Variants in TBC1D5 observed in about 807,000 individuals in gnomAD.
The protein encoded by TBC1D5 is TBC1 domain family, member 5.
Under a neutral mutation model 100.3 loss-of-function variants are expected in TBC1D5, and 75 were observed. The observed-to-expected ratio is 0.75, with a 90% CI of 0.62 to 0.91. The LOEUF (loss-of-function observed/expected upper bound fraction) is 0.91. Ranked by LOEUF, TBC1D5 falls within the 40% of genes least tolerant of loss-of-function variation. The probability of loss-of-function intolerance (pLI) is 0.00; values close to 1 mark genes in which losing one functional copy is unlikely to be tolerated. For missense variants in TBC1D5, 910 were observed against 942.4 expected, an observed-to-expected ratio of 0.97 and a Z score of 0.45; for synonymous variants, 323 against 325.6, an observed-to-expected ratio of 0.99 and a Z score of 0.09.
chr3:17,426,442 T>C (rs1008518813), intron 4 of TBC1D5, among the ~76,000 whole-genome samples: 2 of 152,108 alleles, frequency 1.3e-5, no homozygotes, highest in Non-Finnish European at 2.9e-5. Context: ...TATAATAGTA[T>C]TTAACAACAG....
At chr3:17,591,697 G>A (rs117568285) in intron 2 of TBC1D5, among the ~76,000 whole-genome samples, 2,528 of 152,314 alleles carry the variant, frequency 0.017, 53 homozygotes, top group South Asian at 0.048. Flanking sequence ...AATTGGCATA[G>A]GTAAACTTAG....
chr3:17,700,258 G>A (rs570300880), intron 1 of TBC1D5, among the ~76,000 whole-genome samples: 4 of 152,164 alleles, frequency 2.6e-5, no homozygotes, highest in Middle Eastern at 3.4e-3. Flanking sequence ...AATGGTGCTG[G>A]GAAAACTGGC....
upstream of TBC1D5, among the ~76,000 whole-genome samples, chr3:17,742,176 C>G (rs990891364): frequency 6.6e-6 from 1 of 152,162 alleles, no homozygotes; most frequent in African/African-American, 2.4e-5. Flanking sequence ...CCCTGCCCGC[C>G]CTGCCCGCCA....
At chr3:17,308,590 T>G (rs1240089859) in intron 13 of TBC1D5, among the ~76,000 whole-genome samples, 2 of 152,124 alleles carry the variant, frequency 1.3e-5, no homozygotes, top group East Asian at 3.8e-4. Flanking sequence ...AAAACTGCGT[T>G]CTCACATCTC....
At chr3:17,452,131 C>A (rs1283777507) in intron 3 of TBC1D5, among the ~76,000 whole-genome samples, 1 of 151,666 alleles carries the variant, frequency 6.6e-6, no homozygotes, top group Non-Finnish European at 1.5e-5. Context: ...TTATAAGCCC[C>A]ATGGTAAGCT....
At chr3:17,688,940 T>C (rs977667980) in intron 1 of TBC1D5, among the ~76,000 whole-genome samples, 2 of 152,188 alleles carry the variant, frequency 1.3e-5, no homozygotes, top group African/African-American at 4.8e-5. Flanking sequence ...TAAAACTATC[T>C]TGAATTGTCC....
At chr3:17,258,571 A>T in exon 16 of TBC1D5, 2 of 1,612,844 alleles carry the variant, frequency 1.2e-6, no homozygotes, top group Non-Finnish European at 1.7e-6. Flanking sequence ...GGAATTGATA[A>T]GTCACTGGTC....
chr3:17,517,107 T>C (rs898117528), intron 2 of TBC1D5, among the ~76,000 whole-genome samples: 1 of 152,188 alleles, frequency 6.6e-6, no homozygotes, highest in East Asian at 1.9e-4. Context: ...AAAACCATTC[T>C]TTACAAACAA....
intron 3 of TBC1D5, among the ~76,000 whole-genome samples, chr3:17,488,601 A>G (rs2095599394): frequency 6.6e-6 from 1 of 152,158 alleles, no homozygotes; most frequent in Admixed American, 6.5e-5. Context: ...ACCAGCAATA[A>G]ATAAGAGTTT....
At chr3:17,423,672 T>C (rs1232033840) in intron 4 of TBC1D5, among the ~76,000 whole-genome samples, 1 of 150,102 alleles carries the variant, frequency 6.7e-6, no homozygotes, top group Non-Finnish European at 1.5e-5. Context: ...CTCTGGAAAA[T>C]ATAAATAATG....
intron 13 of TBC1D5, among the ~76,000 whole-genome samples, chr3:17,335,484 C>T (rs1377286699): frequency 6.6e-6 from 1 of 152,090 alleles, no homozygotes; most frequent in Admixed American, 6.6e-5. Context: ...CCATCTCTGA[C>T]TCCACTCAGC....
intron 19 of TBC1D5, among the ~76,000 whole-genome samples, chr3:17,170,019 G>A (rs1353748588): frequency 6.6e-6 from 1 of 152,196 alleles, no homozygotes; most frequent in Non-Finnish European, 1.5e-5. Flanking sequence ...GAGCTCAGGT[G>A]GTAACGCTGG....
intron 13 of TBC1D5, among the ~76,000 whole-genome samples, chr3:17,329,517 T>C (rs763597543): frequency 7.2e-6 from 1 of 139,100 alleles, no homozygotes; most frequent in Non-Finnish European, 1.5e-5. Context: ...AATAATACCC[T>C]TGATTTTATG....
chr3:17,466,947 A>G (rs73042824), intron 3 of TBC1D5, among the ~76,000 whole-genome samples: 11,577 of 152,132 alleles, frequency 0.076, 604 homozygotes, highest in Non-Finnish European at 0.12. Flanking sequence ...TGAAATTTGA[A>G]AGCCCCAATA....
chr3:17,442,598 G>C (rs745831974), intron 3 of TBC1D5, among the ~76,000 whole-genome samples: 2 of 152,182 alleles, frequency 1.3e-5, no homozygotes, highest in African/African-American at 2.4e-5. Context: ...CACAAATCCT[G>C]AGCTCACTCC....
At chr3:17,337,519 A>G (rs925449780) in intron 13 of TBC1D5, 1 of 152,198 alleles carries the variant, frequency 6.6e-6, no homozygotes, top group African/African-American at 2.4e-5. Flanking sequence ...TGATGAAGTT[A>G]ACACAGCGGA....
At chr3:17,632,206 C>T (rs979008471) in intron 1 of TBC1D5, among the ~76,000 whole-genome samples, 11 of 152,042 alleles carry the variant, frequency 7.2e-5, no homozygotes, top group African/African-American at 2.4e-4. Flanking sequence ...TCAATATTTC[C>T]GTGGAGTAAA....
intron 14 of TBC1D5, among the ~76,000 whole-genome samples, chr3:17,307,008 T>C (rs1398741348): frequency 6.6e-6 from 1 of 152,030 alleles, no homozygotes; most frequent in Non-Finnish European, 1.5e-5. Context: ...ATTTTTTGGA[T>C]AAAATGTGGT....
chr3:17,341,429 C>G (rs1270980291), intron 13 of TBC1D5, among the ~76,000 whole-genome samples: 1 of 152,138 alleles, frequency 6.6e-6, no homozygotes, highest in East Asian at 1.9e-4. Flanking sequence ...ATCTCCTGAC[C>G]TCATGATCCA....
Sources: allele counts gnomAD v4.1 joint callset (sites outside exome capture counted in the v4.1 genomes callset), GRCh38; gene constraint gnomAD v4.1.1; transcripts MANE v1.5; gene names NCBI Gene and HGNC (gene_info 2026-07-23, HGNC 2026-07-21).